Variants in CA10 observed in about 807,000 individuals in gnomAD.
The protein encoded by CA10 is carbonic anhydrase 10 (inactive), also known as carbonic anhydrase-related protein 10.
Under a neutral mutation model 44.2 loss-of-function variants are expected in CA10, and 14 were observed. The ratio of observed to expected loss-of-function variants is 0.32; its 90% confidence interval spans 0.21 to 0.50. The LOEUF is 0.50. CA10 is among the 20% of genes least tolerant of loss of function. The pLI is 0.99. For missense variants in CA10, 350 were observed against 409.7 expected, an observed-to-expected ratio of 0.85 and a Z score of 1.26; for synonymous variants, 159 against 141.6, an observed-to-expected ratio of 1.12 and a Z score of -0.87.
intron 4 of CA10, among the ~76,000 whole-genome samples, chr17:51,727,916 C>T (rs1916584819): frequency 6.6e-6 from 1 of 151,586 alleles, no homozygotes; most frequent in Admixed American, 6.6e-5. Context: ...AGGACGGGGT[C>T]TCACTGTCAC....
At chr17:52,144,887 T>G (rs1203501953) in intron 1 of CA10, among the ~76,000 whole-genome samples, 2 of 152,156 alleles carry the variant, frequency 1.3e-5, no homozygotes, top group African/African-American at 4.8e-5. Flanking sequence ...CAAGCCCGCT[T>G]AACTCCAAAA....
chr17:51,710,806 T>G (rs182623635), intron 4 of CA10, among the ~76,000 whole-genome samples: 228 of 151,970 alleles, frequency 1.5e-3, no homozygotes, highest in African/African-American at 5.5e-3. Flanking sequence ...TGGGGCTGGC[T>G]CCGCGATTTC....
chr17:52,138,094 G>T (rs1288592539), intron 1 of CA10, among the ~76,000 whole-genome samples: 2 of 152,134 alleles, frequency 1.3e-5, no homozygotes, highest in African/African-American at 2.4e-5. Flanking sequence ...GTGTCAGCAG[G>T]CATGTGTTCT....
At chr17:52,082,509 C>G (rs1432406023) in intron 1 of CA10, among the ~76,000 whole-genome samples, 1 of 152,126 alleles carries the variant, frequency 6.6e-6, no homozygotes, top group Admixed American at 6.5e-5. Context: ...TATTGGTTAT[C>G]TAGTTGTTTG....
chr17:51,933,688 T>C (rs557220833), intron 2 of CA10, among the ~76,000 whole-genome samples: 1 of 152,218 alleles, frequency 6.6e-6, no homozygotes, highest in South Asian at 2.1e-4. Flanking sequence ...TCTTTGACAA[T>C]GAAGACATCT....
At chr17:51,671,406 T>TA (rs1914416335) in intron 4 of CA10, among the ~76,000 whole-genome samples, 3 of 150,850 alleles carry the variant, frequency 2.0e-5, no homozygotes, top group Non-Finnish European at 4.4e-5. Flanking sequence ...ATTTTTTTTG[T>TA]TTTTGTTTTT....
Position 51,996,028 on chromosome 17 carries a change from G to A in CA10, c.137-64896C>T, listed in dbSNP as rs567914346. ...CAAACACAACTATTGAAAGCTTAAT[G>A]ATAATAGTAGTTACTACTTAACTGA... is the stretch of plus-strand genomic sequence containing the variant. On this transcript the variant is annotated intron_variant, in intron 2 of 8. Coordinates refer to ENST00000451037, the MANE Select transcript of CA10 (RefSeq NM_020178.5). 2.0e-5 allele frequency among the ~76,000 whole-genome samples: 3 copies of A among 152,186 alleles called. No individual in the cohort carries two copies. In the South Asian group the frequency reaches 6.2e-4, roughly 32 times the overall value.
chr17:51,786,868 A>G (rs753783450), intron 3 of CA10, among the ~76,000 whole-genome samples: 14 of 151,552 alleles, frequency 9.2e-5, no homozygotes, highest in Non-Finnish European at 1.5e-4. Flanking sequence ...TAGTTTTTTG[A>G]GGATTTTTAT....
chr17:51,700,630 G>C (rs184637554), intron 4 of CA10, among the ~76,000 whole-genome samples: 1 of 152,242 alleles, frequency 6.6e-6, no homozygotes, highest in East Asian at 1.9e-4. Flanking sequence ...ATGACTGTAT[G>C]CTTCCCTTGC....
At chr17:51,744,388 T>TG (rs1187521968) in intron 4 of CA10, among the ~76,000 whole-genome samples, 1 of 152,032 alleles carries the variant, frequency 6.6e-6, no homozygotes, top group Admixed American at 6.6e-5. Flanking sequence ...CAGTTTCCCC[T>TG]GCTCATTCGA....
chr17:51,808,647 G>T (rs1526184), intron 3 of CA10, among the ~76,000 whole-genome samples: 45,911 of 152,056 alleles, frequency 0.3, 8,414 homozygotes, highest in East Asian at 0.49. Flanking sequence ...CTGCTAGATG[G>T]AATATAATGC....
chr17:52,108,819 C>G (rs983833430), intron 1 of CA10, among the ~76,000 whole-genome samples: 1 of 151,376 alleles, frequency 6.6e-6, no homozygotes, highest in Non-Finnish European at 1.5e-5. Flanking sequence ...GTATACTGCT[C>G]AGTGATGGGT....
chr17:51,710,710 G>T (rs1019344371), intron 4 of CA10, among the ~76,000 whole-genome samples: 4 of 152,068 alleles, frequency 2.6e-5, no homozygotes, highest in Admixed American at 1.3e-4. Context: ...AGTGAAAACT[G>T]CCAAACCTGA....
chr17:51,851,741 A>G (rs1978804915), intron 3 of CA10, among the ~76,000 whole-genome samples: 1 of 152,172 alleles, frequency 6.6e-6, no homozygotes, highest in African/African-American at 2.4e-5. Context: ...TTGTTGAACT[A>G]ATCTGAACCA....
chr17:51,881,763 C>A (rs1047757302), intron 3 of CA10, among the ~76,000 whole-genome samples: 1 of 152,070 alleles, frequency 6.6e-6, no homozygotes, highest in Admixed American at 6.6e-5. Flanking sequence ...CTGGTAATAT[C>A]CAGGTTTGGC....
chr17:52,123,039 T>A lies in CA10; in HGVS notation c.61+34687A>T, dbSNP rs567522384. On this transcript the variant is annotated intron_variant, in intron 1 of 8. Coordinates refer to ENST00000451037, the MANE Select transcript of CA10 (RefSeq NM_020178.5). ...AGGCCAAGATATCTGAATTTGCCAA[T>A]CATATATTCTGATCAGTGGGAGATC... is the stretch of plus-strand genomic sequence containing the variant. Among the ~76,000 whole-genome samples the A allele has an allele frequency of 2.2e-4, 33 of 152,226 alleles. 2 individuals carry two copies. Among genetic ancestry groups the A allele is most frequent in the African/African-American group, 7.7e-4 (32 of 41,538 alleles).
chr17:52,054,875 T>G lies in CA10; in HGVS notation c.136+17444A>C, dbSNP rs535719508. On this transcript the variant is annotated intron_variant, in intron 2 of 8. Transcript: ENST00000451037. ...AGTAGGGGTAACAGATGGGAGAAGA[T>G]AATCAAAGAAATAATAGAAGAAAAT... is the stretch of plus-strand genomic sequence containing the variant. 2.0e-5 allele frequency among the ~76,000 whole-genome samples: 3 copies of G among 152,110 alleles called. No homozygotes were observed. In the East Asian group the frequency reaches 5.8e-4, roughly 29 times the overall value.
intron 3 of CA10, among the ~76,000 whole-genome samples, chr17:51,894,596 T>C (rs2143916261): frequency 6.6e-6 from 1 of 152,280 alleles, no homozygotes; most frequent in East Asian, 1.9e-4. Context: ...TTCTATTTTC[T>C]TAGATCCTGA....
chr17:51,703,556 G>T (rs1915668336), intron 4 of CA10, among the ~76,000 whole-genome samples: 1 of 152,004 alleles, frequency 6.6e-6, no homozygotes, highest in African/African-American at 2.4e-5. Context: ...GTGTGTCAAG[G>T]GTGTATTTTG....
Sources: allele counts gnomAD v4.1 joint callset (sites outside exome capture counted in the v4.1 genomes callset), GRCh38; gene constraint gnomAD v4.1.1; transcripts MANE v1.5; gene names NCBI Gene and HGNC (gene_info 2026-07-23, HGNC 2026-07-21).